Variants in GP6 observed in about 807,000 individuals in gnomAD.
The protein encoded by GP6 is glycoprotein VI platelet.
A neutral mutation model predicts 37.3 loss-of-function variants in GP6; 45 were observed. The ratio of observed to expected loss-of-function variants is 1.21; its 90% CI spans 0.95 to 1.55. The LOEUF is 1.55. Among genes scored for constraint, GP6 ranks in the 40% most tolerant of loss-of-function variants. The pLI is 0.00. For synonymous variants in GP6, 340 were observed against 316.4 expected (o/e 1.07, Z -0.79); for missense variants, 813 against 760.2 (o/e 1.07, Z -0.82).
rs2073965157 is a variant in GP6, at chr19:55,018,681, A to G, written c.695T>C (p.Val232Ala). ...TGTGAAGACTTCGTTTGTGAATGAGACGGTCAGTTCAGCGGTGGCTTCTGA... is the reference window on the plus strand; with the variant it reads ...TGTGAAGACTTCGTTTGTGAATGAGGCGGTCAGTTCAGCGGTGGCTTCTGA... The change falls in exon 6 of 8, where the codon GTC becomes GCC. Residue 232 changes from valine to alanine, a missense_variant. By Grantham distance (64) the Val-to-Ala change is moderately conservative. Coordinates refer to ENST00000310373, the MANE Select transcript of GP6 (RefSeq NM_001083899.2). The G allele has an allele frequency of 6.2e-7, 1 of 1,609,080 alleles. No individual in the cohort carries two copies. The highest frequency in any genetic ancestry group is 1.3e-5 in the African/African-American group (1 of 74,838).
At chr19:55,029,981 G>A (rs1229076978) in intron 3 of GP6, among the ~76,000 whole-genome samples, 1 of 152,144 alleles carries the variant, frequency 6.6e-6, no homozygotes, top group Non-Finnish European at 1.5e-5. Context: ...GGTGGCGTGA[G>A]TGAGGCACTC....
chr19:55,019,273 CT>C (rs954390201), intron 5 of GP6, among the ~76,000 whole-genome samples: 13 of 147,374 alleles, frequency 8.8e-5, no homozygotes, highest in Non-Finnish European at 1.2e-4. Context: ...GCCTGGCCAA[CT>C]TTTTTTTTTG....
chr19:55,022,869 C>T (rs185444126), intron 5 of GP6, among the ~76,000 whole-genome samples: 2 of 152,310 alleles, frequency 1.3e-5, no homozygotes, highest in Admixed American at 6.5e-5. Flanking sequence ...CGGACACAAA[C>T]AAATGGAAAA....
At chr19:55,025,898 A>G (rs1035268552) in intron 4 of GP6, among the ~76,000 whole-genome samples, 8 of 149,602 alleles carry the variant, frequency 5.3e-5, no homozygotes, top group Non-Finnish European at 1.2e-4. Flanking sequence ...TCTACTCAGG[A>G]GGCTGAGGCA....
rs1455235783 is a variant in GP6 at position 55,025,398 on chromosome 19, C to T, written c.611-127G>A. On this transcript the variant is annotated intron_variant, in intron 4 of 7. Coordinates refer to ENST00000310373, the MANE Select transcript of GP6 (RefSeq NM_001083899.2). ...GCCTAAAGTAGCTTACATCACTGGA[C>T]TGTTGTGGATGTTAATAAGCATTTG... is the stretch of plus-strand genomic sequence containing the variant. 6.9e-6 allele frequency: 5 copies of T among 723,708 alleles called. No homozygotes were observed. In the Admixed American group the frequency reaches 8.0e-5, roughly 12 times the overall value. The allele number at this position is 723,708 out of a possible 1,614,324, so 44.8% of individuals were successfully genotyped here.
rs2074582010 is a variant in GP6 at position 55,032,154 on chromosome 19, C to G, written c.310G>C (p.Glu104Gln). The change falls in exon 3 of 8, where the codon GAG becomes CAG. Residue 104 changes from glutamate to glutamine, a missense_variant. Transcript: ENST00000310373. ...CTTCCTTTACCCGTGGCAACGAGCT[C>G]CAGCTGGTCGCTGGGCAGGGACCAG... 6.2e-7 allele frequency: 1 copy of G among 1,613,814 alleles called. No individual in the cohort carries two copies. Among genetic ancestry groups the G allele is most frequent in the South Asian group, 1.1e-5 (1 of 91,090 alleles).
intron 3 of GP6, among the ~76,000 whole-genome samples, chr19:55,031,058 G>C (rs1027555319): frequency 2.0e-5 from 3 of 151,880 alleles, no homozygotes; most frequent in Non-Finnish European, 4.4e-5. Context: ...ATGTTGCCCA[G>C]GCTGGTCTTG....
Position 55,014,784 on chromosome 19 carries a change from G to T in GP6, c.1161C>A (p.Ser387=). ...CGAACGGCTCCCTGATGGAACACCA[G>T]GAGGAGGCAGCATGGCCTCGTTTCC... Residue 387 remains serine, a synonymous_variant, in exon 8 of 8, where the codon TCC becomes TCA. Coordinates refer to ENST00000310373, the MANE Select transcript of GP6 (RefSeq NM_001083899.2). The T allele has an allele frequency of 6.2e-7, 1 of 1,613,806 alleles. No individual in the cohort carries two copies. Among genetic ancestry groups the T allele is most frequent in the Non-Finnish European group, 8.5e-7 (1 of 1,179,882 alleles).
At chr19:55,038,067 C>G in intron 1 of GP6, 136 bp downstream of exon 1, 1 of 756,276 alleles carries the variant, frequency 1.3e-6, no homozygotes, top group Non-Finnish European at 2.3e-6. Context: ...CGTTTCCCCA[C>G]CCAACAAATG....
chr19:55,014,310 C>A lies in GP6; in HGVS notation c.1635G>T (p.Val545=). 1 of 1,550,142 alleles carries A rather than the reference C, an allele frequency of 6.5e-7. No individual in the cohort carries two copies. Among genetic ancestry groups the A allele is most frequent in the Non-Finnish European group, 8.9e-7 (1 of 1,123,760 alleles). The stretch of plus-strand genomic sequence containing the variant: ...TGTTTTGTTGGTAGAGATGAGGTTT[C>A]ACCATGTTGCACAGGCTGATCTTGT... Residue 545 remains valine, a synonymous_variant, in exon 8 of 8, where the codon GTG becomes GTT. Transcript: ENST00000310373.
chr19:55,025,960 C>G (rs986692458), intron 4 of GP6, among the ~76,000 whole-genome samples: 4 of 140,114 alleles, frequency 2.9e-5, no homozygotes, highest in African/African-American at 1.1e-4. Flanking sequence ...TGAGATCACT[C>G]CACTGCACTC....
intron 3 of GP6, among the ~76,000 whole-genome samples, chr19:55,031,027 G>T (rs900306652): frequency 6.6e-6 from 1 of 151,392 alleles, no homozygotes. Flanking sequence ...TTTTAATTTT[G>T]TTTAAAGATG....
chr19:55,014,376 A>G lies in GP6; in HGVS notation c.1569T>C (p.Ser523=). 1 of 1,613,734 alleles carries G rather than the reference A, an allele frequency of 6.2e-7. No individual in the cohort carries two copies. Among genetic ancestry groups the G allele is most frequent in the Non-Finnish European group, 8.5e-7 (1 of 1,179,670 alleles). The change falls in exon 8 of 8, where the codon AGT becomes AGC. Residue 523 remains serine (S), a synonymous_variant. Coordinates refer to ENST00000310373, the MANE Select transcript of GP6 (RefSeq NM_001083899.2). The stretch of plus-strand genomic sequence containing the variant: ...GAAGCGGGCAACGTGCTAGTTTTAC[A>G]CTAAGGAAAATGAATGACATACCCA...
chr19:55,023,548 C>CCA (rs1276213245), intron 5 of GP6, among the ~76,000 whole-genome samples: 4 of 152,210 alleles, frequency 2.6e-5, no homozygotes, highest in Non-Finnish European at 5.9e-5. Context: ...CCTGCTCCCA[C>CCA]CACATGAGAC....
At chr19:55,016,464 C>T (rs1329542748) in intron 6 of GP6, among the ~76,000 whole-genome samples, 1 of 150,710 alleles carries the variant, frequency 6.6e-6, no homozygotes, top group African/African-American at 2.4e-5. Flanking sequence ...CAACCTCCGC[C>T]TCCTGGGCTC....
intron 5 of GP6, among the ~76,000 whole-genome samples, chr19:55,019,206 A>G (rs991708826): frequency 7.5e-5 from 11 of 145,858 alleles, no homozygotes; most frequent in Admixed American, 4.9e-4. Flanking sequence ...CCTGGGTTCA[A>G]GCGATTCTCC....
rs1400356392 is a variant in GP6, at chr19:55,029,406, T to G, written c.326-1544A>C. 1.8e-4 allele frequency among the ~76,000 whole-genome samples: 14 copies of G among 79,076 alleles called. 1 individual carries two copies. The South Asian group carries it at 5.1e-3, about 29-fold the overall frequency. 51.9% of individuals were successfully genotyped at this position (79,076 alleles called of 152,430 possible). On this transcript the variant is annotated intron_variant, in intron 3 of 7. Coordinates refer to ENST00000310373, the MANE Select transcript of GP6 (RefSeq NM_001083899.2). The stretch of plus-strand genomic sequence containing the variant: ...TTTTTTTTTTTTTTTTTTTTTTTTT[T>G]GGGAAACAGAATCTCACTCTGTTGC...
chr19:55,025,341 T>C, intron 4 of GP6, 70 bp from the exon 5 acceptor site: 1 of 945,818 alleles, frequency 1.1e-6, no homozygotes. Context: ...ACGAAACATC[T>C]CCGTGACTGA....
At chr19:55,035,855 A>T (rs770781198) in intron 1 of GP6, among the ~76,000 whole-genome samples, 2 of 151,254 alleles carry the variant, frequency 1.3e-5, no homozygotes, top group Non-Finnish European at 3.0e-5. Context: ...TGGGTGGATC[A>T]CGAGGTCAAG....
Sources: gnomAD v4.1 joint callset for allele counts (sites outside exome capture counted in the v4.1 genomes callset) on GRCh38, gnomAD v4.1.1 for gene constraint, MANE v1.5 for transcripts, NCBI Gene and HGNC (gene_info 2026-07-23, HGNC 2026-07-21) for gene names.